Variants in COX4I2 observed in about 807,000 individuals in gnomAD.
The protein encoded by COX4I2 is cytochrome c oxidase subunit 4I2, also known as cytochrome c oxidase subunit 4 isoform 2, mitochondrial.
In COX4I2, 15 loss-of-function variants were observed where a neutral mutation model predicts 20.8. The ratio of observed to expected loss-of-function variants is 0.72; its 90% CI spans 0.48 to 1.11. COX4I2 has a LOEUF of 1.11. Among genes scored for constraint, COX4I2 ranks in the 50% most tolerant of loss-of-function variants. The pLI, the probability that COX4I2 is intolerant of heterozygous loss-of-function variation, is 0.00. For missense variants in COX4I2, 224 were observed against 223.0 expected, an observed-to-expected ratio of 1.00 and a Z score of -0.03; for synonymous variants, 80 against 78.1, an observed-to-expected ratio of 1.02 and a Z score of -0.13.
At position 31,644,983 on chromosome 20, in the gene COX4I2, C is replaced by A; in HGVS notation, c.*79C>A. 6.5e-7 allele frequency: 1 copy of A among 1,533,126 alleles called. No homozygotes were observed. The highest frequency in any genetic ancestry group is 8.9e-7 in the Non-Finnish European group (1 of 1,124,230). 95.0% of individuals were successfully genotyped at this position (1,533,126 alleles called of 1,614,324 possible). A position where few individuals can be genotyped will look rare whatever the true frequency, so the allele number is the denominator to read the frequency against. ...GGCCCCTCCCCTCCCCTGCCCTTAA[C>A]CCCAGTAAAGCTCCAAAAAAAAATT... On this transcript the variant is annotated 3_prime_UTR_variant, in exon 5 of 5. Transcript: ENST00000376075.
intron 1 of COX4I2, among the ~76,000 whole-genome samples, chr20:31,638,249 C>G (rs1302991776): frequency 6.6e-6 from 1 of 152,034 alleles, no homozygotes; most frequent in Non-Finnish European, 1.5e-5. Context: ...GGGCCGCCCC[C>G]TCCCACTTAT....
At chr20:31,642,060 T>C (rs1332801507) in intron 3 of COX4I2, among the ~76,000 whole-genome samples, 1 of 152,080 alleles carries the variant, frequency 6.6e-6, no homozygotes, top group African/African-American at 2.4e-5. Context: ...CTATGGTTGC[T>C]CAGGCTGGTC....
At chr20:31,641,288 A>G (rs949077012) in intron 3 of COX4I2, among the ~76,000 whole-genome samples, 1 of 149,744 alleles carries the variant, frequency 6.7e-6, no homozygotes, top group Non-Finnish European at 1.5e-5. Flanking sequence ...AGCCCAGGGG[A>G]GCTGAGGCTA....
chr20:31,644,693 T>C (rs1163412168), intron 4 of COX4I2, 75 bp from the exon 5 acceptor site: 5 of 1,577,446 alleles, frequency 3.2e-6, no homozygotes, highest in Non-Finnish European at 4.3e-6. Context: ...GCTGGGAGGC[T>C]ACAGGGTGGC....
intron 3 of COX4I2, among the ~76,000 whole-genome samples, chr20:31,640,921 A>C (rs1158089084): frequency 2.0e-5 from 3 of 148,684 alleles, no homozygotes; most frequent in Non-Finnish European, 4.4e-5. Context: ...GCCCTCTCTC[A>C]GCACCTTTAC....
chr20:31,640,671 C>A (rs534265958), intron 3 of COX4I2, among the ~76,000 whole-genome samples: 1 of 152,184 alleles, frequency 6.6e-6, no homozygotes, highest in South Asian at 2.1e-4. Context: ...CTTGTCATGT[C>A]CACCAGAGCA....
At chr20:31,638,554 G>C (rs1157859847) in intron 1 of COX4I2, among the ~76,000 whole-genome samples, 9 of 151,886 alleles carry the variant, frequency 5.9e-5, no homozygotes, top group African/African-American at 2.2e-4. Flanking sequence ...GTGGGGGCCA[G>C]ACCGTCTGTC....
intron 2 of COX4I2, chr20:31,639,424 T>C (rs1016689157): frequency 1.1e-5 from 4 of 357,366 alleles, no homozygotes; most frequent in Non-Finnish European, 1.6e-5. Flanking sequence ...CTAGTTTCAA[T>C]GCTAGTAAGA....
At position 31,639,810 on chromosome 20, in the gene COX4I2, C is replaced by T. The variant is rs2060456216; in HGVS notation, c.83-123C>T. 6 of 1,070,704 alleles carry T rather than the reference C, an allele frequency of 5.6e-6. No individual in the cohort carries two copies. In the South Asian group the frequency reaches 6.7e-5, roughly 12 times the overall value. The allele number at this position is 1,070,704 out of a possible 1,614,324, so 66.3% of individuals were successfully genotyped here. On this transcript the variant is annotated intron_variant, in intron 2 of 4. Transcript: ENST00000376075. ...TGACCTCGTGATCCACCCGCCTCAG[C>T]CTCCCAAAATGCTAGGATTACAGGC...
intron 4 of COX4I2, among the ~76,000 whole-genome samples, 176 bp downstream of exon 4, chr20:31,643,711 C>T (rs1264096202): frequency 2.0e-5 from 3 of 152,158 alleles, no homozygotes; most frequent in Non-Finnish European, 4.4e-5. Flanking sequence ...AGGAACTTTA[C>T]CTCTCTGGGC....
At chr20:31,642,386 T>G (rs2060473041) in intron 3 of COX4I2, among the ~76,000 whole-genome samples, 1 of 152,072 alleles carries the variant, frequency 6.6e-6, no homozygotes, top group Non-Finnish European at 1.5e-5. Flanking sequence ...ATATTTATTT[T>G]CATATTTATT....
chr20:31,638,534 G>C lies in COX4I2; in HGVS notation c.1-484G>C, dbSNP rs115264388. 5.3e-3 allele frequency among the ~76,000 whole-genome samples: 804 copies of C among 151,722 alleles called. 9 individuals carry two copies. The highest frequency in any genetic ancestry group is 0.018 in the African/African-American group (735 of 41,432). On this transcript the variant is annotated intron_variant, in intron 1 of 4. Coordinates refer to ENST00000376075, the MANE Select transcript of COX4I2 (RefSeq NM_032609.3). ...TGTGTGCACGTAGGCAGCCAATTAGGGGGGAAGGGGTGGGGGCCAGACCGT... is the reference window on the plus strand; with the variant it reads ...TGTGTGCACGTAGGCAGCCAATTAGCGGGGAAGGGGTGGGGGCCAGACCGT...
intron 2 of COX4I2, 91 bp downstream of exon 2, chr20:31,639,190 C>T (rs1212031436): frequency 6.5e-7 from 1 of 1,544,924 alleles, no homozygotes; most frequent in South Asian, 1.2e-5. Context: ...TTCCATGCCA[C>T]CCTGGGCCTG....
chr20:31,638,392 G>A (rs2060447959), intron 1 of COX4I2, among the ~76,000 whole-genome samples: 1 of 151,260 alleles, frequency 6.6e-6, no homozygotes, highest in South Asian at 2.1e-4. Context: ...ATCCTCTAAA[G>A]CCCCTCCCCA....
At chr20:31,643,309 G>A (rs1406447161) in intron 3 of COX4I2, 95 bp from the exon 4 acceptor site, 5 of 1,454,170 alleles carry the variant, frequency 3.4e-6, no homozygotes, top group Non-Finnish European at 4.8e-6. Context: ...GTAAGAATTT[G>A]CTGAATGAAC....
intron 2 of COX4I2, chr20:31,639,349 G>C (rs2060453491): frequency 1.1e-6 from 1 of 927,906 alleles, no homozygotes; most frequent in Non-Finnish European, 1.3e-6. Context: ...CAGGCCCCTA[G>C]ACCTTTTGTT....
intron 4 of COX4I2, among the ~76,000 whole-genome samples, 190 bp from the exon 5 acceptor site, chr20:31,644,578 G>A (rs1288165720): frequency 6.6e-6 from 1 of 152,156 alleles, no homozygotes; most frequent in African/African-American, 2.4e-5. Context: ...CTGGGACGAT[G>A]CTCTAGGAGA....
At chr20:31,642,002 G>A (rs372038327) in intron 3 of COX4I2, among the ~76,000 whole-genome samples, 15 of 151,826 alleles carry the variant, frequency 9.9e-5, no homozygotes, top group African/African-American at 2.9e-4. Flanking sequence ...TACCATGCCC[G>A]GCTATTTATT....
chr20:31,642,342 A>G (rs1306794645), intron 3 of COX4I2, among the ~76,000 whole-genome samples: 4 of 151,970 alleles, frequency 2.6e-5, no homozygotes, highest in African/African-American at 7.3e-5. Context: ...CCTTTTCCCA[A>G]GGAATTCTGC....
Sources: gnomAD v4.1 joint callset for allele counts (sites outside exome capture counted in the v4.1 genomes callset) on GRCh38, gnomAD v4.1.1 for gene constraint, MANE v1.5 for transcripts, NCBI Gene and HGNC (gene_info 2026-07-23, HGNC 2026-07-21) for gene names.